The following GLI3 variants were observed in gnomAD, a reference collection of about 807,000 sequenced individuals.
GLI3 encodes the protein transcription activator GLI3.
GLI3 carries 20 observed loss-of-function variants against 100.8 expected under a neutral mutation model. That is an observed-to-expected ratio of 0.20 (90% CI 0.14 to 0.29). The LOEUF is 0.29. GLI3 is among the 10% of genes least tolerant of loss of function. The pLI, the probability that GLI3 is intolerant of heterozygous loss-of-function variation, is 1.00. For synonymous variants in GLI3, 938 were observed against 860.5 expected, an observed-to-expected ratio of 1.09 and a Z score of -1.58; for missense variants, 2,040 against 2,128.5, an observed-to-expected ratio of 0.96 and a Z score of 0.82.
At chr7:42,236,138 C>T (rs1340397979) in intron 1 of GLI3, among the ~76,000 whole-genome samples, 2 of 152,080 alleles carry the variant, frequency 1.3e-5, no homozygotes, top group African/African-American at 4.8e-5. Flanking sequence ...GCGTCCGCTT[C>T]GGACAATCTG....
chr7:42,073,105 A>C (rs78791235), intron 4 of GLI3, among the ~76,000 whole-genome samples: 2,702 of 152,320 alleles, frequency 0.018, 66 homozygotes, highest in African/African-American at 0.062. Flanking sequence ...TCAGAGAATA[A>C]TACTACTTAT....
chr7:42,234,615 T>G (rs1165701323), intron 1 of GLI3, among the ~76,000 whole-genome samples: 1 of 152,218 alleles, frequency 6.6e-6, no homozygotes, highest in Non-Finnish European at 1.5e-5. Flanking sequence ...AACACAAGCA[T>G]GTTAAAGGCA....
chr7:42,011,056 T>C (rs1788599155), intron 10 of GLI3, among the ~76,000 whole-genome samples: 1 of 152,262 alleles, frequency 6.6e-6, no homozygotes, highest in Non-Finnish European at 1.5e-5. Context: ...TCTATTTTAT[T>C]TGTCTGAGTC....
upstream of GLI3, among the ~76,000 whole-genome samples, chr7:42,239,393 T>C (rs537231366): frequency 6.6e-6 from 1 of 152,352 alleles, no homozygotes; most frequent in Non-Finnish European, 1.5e-5. Context: ...TATAGAGGGC[T>C]ACAAGTGTGT....
At chr7:42,145,526 C>A (rs1024301245) in intron 3 of GLI3, 1 of 397,778 alleles carries the variant, frequency 2.5e-6, no homozygotes, top group Non-Finnish European at 4.4e-6. Flanking sequence ...CTAACGACAC[C>A]ACAGTTACAG....
At chr7:42,156,855 C>T (rs1787015445) in intron 2 of GLI3, among the ~76,000 whole-genome samples, 1 of 152,222 alleles carries the variant, frequency 6.6e-6, no homozygotes, top group South Asian at 2.1e-4. Context: ...TATTTCCTAA[C>T]CTTTCTAACA....
At chr7:42,192,045 A>G (rs1241219688) in intron 2 of GLI3, among the ~76,000 whole-genome samples, 32 of 152,264 alleles carry the variant, frequency 2.1e-4, no homozygotes. Context: ...CACAGAAAAA[A>G]AAAATCCTAT....
intron 3 of GLI3, among the ~76,000 whole-genome samples, chr7:42,104,408 T>TAA (rs1259499357): frequency 6.6e-6 from 1 of 152,130 alleles, no homozygotes; most frequent in Non-Finnish European, 1.5e-5. Flanking sequence ...CTACAGTGGG[T>TAA]AAACAGGCAG....
intron 1 of GLI3, among the ~76,000 whole-genome samples, chr7:42,246,966 A>G (rs988127890): frequency 6.6e-6 from 1 of 152,080 alleles, no homozygotes; most frequent in Non-Finnish European, 1.5e-5. Flanking sequence ...GGCAGTCTGT[A>G]ATCACAGCCT....
At chr7:42,193,195 T>C (rs1397939005) in intron 2 of GLI3, among the ~76,000 whole-genome samples, 1 of 152,226 alleles carries the variant, frequency 6.6e-6, no homozygotes, top group African/African-American at 2.4e-5. Context: ...TGAGACTTGA[T>C]AAATCAAATA....
At chr7:42,205,284 CT>C (rs112026642) in intron 2 of GLI3, among the ~76,000 whole-genome samples, 10 of 152,268 alleles carry the variant, frequency 6.6e-5, no homozygotes, top group African/African-American at 2.4e-4. Context: ...TATCTTAAGT[CT>C]GGCACCTGTA....
intron 2 of GLI3, among the ~76,000 whole-genome samples, chr7:42,150,724 G>T (rs78776791): frequency 0.11 from 16,021 of 152,202 alleles, 1,026 homozygotes; most frequent in Middle Eastern, 0.15. Context: ...AATTGTCCTA[G>T]AATAAATTAA....
chr7:42,185,148 C>T (rs920780134), intron 2 of GLI3, among the ~76,000 whole-genome samples: 22 of 152,290 alleles, frequency 1.4e-4, no homozygotes, highest in Admixed American at 8.5e-4. Flanking sequence ...TGGGTCCCCT[C>T]CTCTACCTGG....
At chr7:42,240,203 A>C (rs1045100107), upstream of GLI3, among the ~76,000 whole-genome samples, 1 of 152,210 alleles carries the variant, frequency 6.6e-6, no homozygotes, top group Non-Finnish European at 1.5e-5. Context: ...AGATTGACTT[A>C]TTGCCATCTC....
At chr7:42,150,810 T>A (rs1036689043) in intron 2 of GLI3, among the ~76,000 whole-genome samples, 2 of 152,198 alleles carry the variant, frequency 1.3e-5, no homozygotes, top group Non-Finnish European at 2.9e-5. Context: ...AGCATTTGAA[T>A]CCAACCTCAC....
intron 3 of GLI3, among the ~76,000 whole-genome samples, chr7:42,087,149 C>T (rs1379341769): frequency 2.6e-5 from 4 of 152,184 alleles, no homozygotes; most frequent in South Asian, 2.1e-4. Context: ...ACTGAGGCCA[C>T]GCAATGACAG....
At chr7:42,025,104 G>C (rs532650021) in intron 9 of GLI3, among the ~76,000 whole-genome samples, 160 bp downstream of exon 9, 1 of 152,312 alleles carries the variant, frequency 6.6e-6, no homozygotes, top group East Asian at 1.9e-4. Context: ...TCCATATCTA[G>C]CCTTTTGTAC....
chr7:41,983,690 T>G (rs1787735914), intron 10 of GLI3, among the ~76,000 whole-genome samples: 1 of 152,144 alleles, frequency 6.6e-6, no homozygotes, highest in South Asian at 2.1e-4. Context: ...TGGTGTAAAT[T>G]ACAATGTGGC....
rs1440080977 is a variant in GLI3 at position 41,964,705 on chromosome 7, T to G, written c.4368A>C (p.Lys1456Asn). 1 of 1,614,206 alleles carries G rather than the reference T, an allele frequency of 6.2e-7. No homozygotes were observed. The highest frequency in any genetic ancestry group is 1.1e-5 in the South Asian group (1 of 91,086). ...CGTCTGAAATAGAGAATGAACCAGC[T>G]TTCGTGTCTTGCTGACTGAAGCCCA... ...QTVGFSQQDT[K>N]AGSFSISDAS... The change falls in exon 15 of 15, where the codon AAA becomes AAC. Residue 1456 changes from lysine to asparagine, a missense_variant. Around this residue, in one of 5 missense-constraint regions of GLI3, gnomAD observed 1,041 missense variants for 924.0 expected, o/e 1.13. Transcript: ENST00000395925.
Sources: allele counts gnomAD v4.1 joint callset (sites outside exome capture counted in the v4.1 genomes callset), GRCh38; gene constraint gnomAD v4.1.1; regional missense constraint gnomAD v4.1.1; transcripts MANE v1.5; gene names NCBI Gene and HGNC (gene_info 2026-07-23, HGNC 2026-07-21).